The following TSHZ2 variants were observed in gnomAD, a reference collection of about 807,000 sequenced individuals.
The protein encoded by TSHZ2 is teashirt homolog 2.
TSHZ2 carries 21 observed loss-of-function variants against 74.4 expected under a neutral mutation model. The observed-to-expected ratio is 0.28, with a 90% CI of 0.20 to 0.41. The LOEUF (loss-of-function observed/expected upper bound fraction) is 0.41. Among genes scored for constraint, TSHZ2 ranks in the 10% least tolerant of loss-of-function variants. The probability of loss-of-function intolerance (pLI) is 1.00; values close to 1 mark genes in which losing one functional copy is unlikely to be tolerated. For missense variants in TSHZ2, 1,244 were observed against 1,293.5 expected (o/e 0.96, Z 0.59); for synonymous variants, 540 against 515.3 (o/e 1.05, Z -0.65).
At chr20:53,374,635 C>T (rs184112029) in intron 2 of TSHZ2, among the ~76,000 whole-genome samples, 1 of 152,310 alleles carries the variant, frequency 6.6e-6, no homozygotes, top group African/African-American at 2.4e-5. Context: ...TCTCTGCAAG[C>T]TCACCAGAAT....
At position 53,074,864 on chromosome 20, in the gene TSHZ2, G is replaced by T. The variant is rs529553950; in HGVS notation, c.40+101531G>T. 1.6e-4 allele frequency among the ~76,000 whole-genome samples: 24 copies of T among 152,286 alleles called. No homozygotes were observed. The highest frequency in any genetic ancestry group is 5.5e-4 in the African/African-American group (23 of 41,556). ...GCAATTGAGGCTTAGAGAAGCAAAT[G>T]ACTTACTTGAAGTCATCCAGCTCAT... On this transcript the variant is annotated intron_variant, in intron 1 of 2. Transcript: ENST00000371497. The surrounding 1 kb of genome is among the most constrained non-coding windows in gnomAD (Gnocchi z 5.9).
chr20:53,157,410 T>G (rs924431695), intron 1 of TSHZ2, among the ~76,000 whole-genome samples: 1 of 151,116 alleles, frequency 6.6e-6, no homozygotes, highest in Non-Finnish European at 1.5e-5. Context: ...GAGTTGGTTT[T>G]TTTTTTTTTT....
chr20:53,257,029 T>A (rs1324657088), intron 2 of TSHZ2, among the ~76,000 whole-genome samples: 1 of 152,244 alleles, frequency 6.6e-6, no homozygotes, highest in Admixed American at 6.5e-5. Context: ...CTAGAAGTAG[T>A]TACTATATAG....
At chr20:53,104,007 A>T (rs943894294) in intron 1 of TSHZ2, among the ~76,000 whole-genome samples, 3 of 152,176 alleles carry the variant, frequency 2.0e-5, no homozygotes, top group Non-Finnish European at 4.4e-5. Context: ...AGAGATCATG[A>T]CTTAGACCCG....
intron 1 of TSHZ2, among the ~76,000 whole-genome samples, chr20:53,171,540 T>A (rs1467327490): frequency 7.7e-6 from 1 of 129,664 alleles, no homozygotes; most frequent in Non-Finnish European, 1.6e-5. Flanking sequence ...TGCATTACCT[T>A]CTAAATGTTT....
At chr20:53,182,830 T>C (rs990879896) in intron 1 of TSHZ2, among the ~76,000 whole-genome samples, 9 of 152,228 alleles carry the variant, frequency 5.9e-5, no homozygotes. Flanking sequence ...ATACAGCCTA[T>C]GTGTGTTCAA....
chr20:53,060,459 T>C (rs1984783600), intron 1 of TSHZ2, among the ~76,000 whole-genome samples: 1 of 152,284 alleles, frequency 6.6e-6, no homozygotes, highest in Non-Finnish European at 1.5e-5. Flanking sequence ...AAAAGTTGAG[T>C]CTTCCCAATT....
At chr20:53,279,815 G>A (rs1258062525) in intron 2 of TSHZ2, among the ~76,000 whole-genome samples, 1 of 152,164 alleles carries the variant, frequency 6.6e-6, no homozygotes, top group Non-Finnish European at 1.5e-5. Flanking sequence ...ATTTACTTTG[G>A]GTGCTCCAGG....
At chr20:53,041,086 C>G (rs1349740224) in intron 1 of TSHZ2, among the ~76,000 whole-genome samples, 3 of 152,174 alleles carry the variant, frequency 2.0e-5, no homozygotes, top group Non-Finnish European at 4.4e-5. Context: ...CACTAATTAC[C>G]AGACAGTGGA....
At chr20:53,023,017 A>AC (rs111698197) in intron 1 of TSHZ2, among the ~76,000 whole-genome samples, 46 of 151,362 alleles carry the variant, frequency 3.0e-4, no homozygotes, top group Non-Finnish European at 2.9e-4. Flanking sequence ...TCCTCAGACT[A>AC]CCCCCCCACC....
intron 1 of TSHZ2, among the ~76,000 whole-genome samples, chr20:52,995,446 T>G (rs1982148028): frequency 6.6e-6 from 1 of 152,202 alleles, no homozygotes; most frequent in South Asian, 2.1e-4. Flanking sequence ...GCATCCAGAA[T>G]GATTTGCCAA....
chr20:53,326,785 C>T (rs970521554), intron 2 of TSHZ2, among the ~76,000 whole-genome samples: 3 of 152,100 alleles, frequency 2.0e-5, no homozygotes, highest in Non-Finnish European at 4.4e-5. Flanking sequence ...TAGGAGAAAC[C>T]CAGGAGCCTA....
intron 2 of TSHZ2, among the ~76,000 whole-genome samples, chr20:53,268,016 T>C (rs1882734885): frequency 6.6e-6 from 1 of 152,106 alleles, no homozygotes; most frequent in African/African-American, 2.4e-5. Flanking sequence ...CTGCTTCTGG[T>C]GAAGCAAAGC....
chr20:53,398,308 A>G (rs1982531476), intron 2 of TSHZ2: 1 of 152,202 alleles, frequency 6.6e-6, no homozygotes, highest in African/African-American at 2.4e-5. Context: ...GACATGAGAA[A>G]TGTGCACTGG....
At chr20:53,220,583 G>A (rs1288419278) in intron 1 of TSHZ2, among the ~76,000 whole-genome samples, 1 of 152,136 alleles carries the variant, frequency 6.6e-6, no homozygotes, top group Non-Finnish European at 1.5e-5. Context: ...TCTATGGCTG[G>A]TATCACGCTA....
intron 1 of TSHZ2, among the ~76,000 whole-genome samples, chr20:53,177,599 G>A (rs535930339): frequency 1.3e-5 from 2 of 152,028 alleles, no homozygotes; most frequent in African/African-American, 2.4e-5. Context: ...CTTTACCTTC[G>A]GGGCCCCTCG....
chr20:53,420,959 C>T (rs976909406), intron 2 of TSHZ2, among the ~76,000 whole-genome samples: 1 of 152,218 alleles, frequency 6.6e-6, no homozygotes, highest in Admixed American at 6.5e-5. Flanking sequence ...CTTCACATAA[C>T]ACCTGATGGT....
chr20:53,254,504 A>T lies in TSHZ2; in HGVS notation c.1046A>T (p.Asn349Ile). 2 of 1,614,118 alleles carry T rather than the reference A, an allele frequency of 1.2e-6. No individual in the cohort carries two copies. Among genetic ancestry groups the T allele is most frequent in the South Asian group, 2.2e-5 (2 of 91,080 alleles). The part of the protein sequence containing the change: ...SFADSFSSQK[N>I]ANLQLSSNNR... ...GCAGATTCTTTTTCTTCTCAGAAGA[A>T]CGCCAACTTGCAGTTGTCCTCCAAC... The change falls in exon 2 of 3, where the codon AAC becomes ATC. Residue 349 changes from asparagine (N) to isoleucine (I), a missense_variant. Asn to Ile is a moderately radical substitution (Grantham distance 149). Transcript: ENST00000371497.
At chr20:53,274,944 C>T (rs1460064251) in intron 2 of TSHZ2, among the ~76,000 whole-genome samples, 2 of 152,154 alleles carry the variant, frequency 1.3e-5, no homozygotes, top group African/African-American at 4.8e-5. Flanking sequence ...CAAGAATTCC[C>T]ATAAGCTCTT....
Sources: allele counts gnomAD v4.1 joint callset (sites outside exome capture counted in the v4.1 genomes callset), GRCh38; gene constraint gnomAD v4.1.1; non-coding constraint Gnocchi (gnomAD v3.1); transcripts MANE v1.5; gene names NCBI Gene and HGNC (gene_info 2026-07-23, HGNC 2026-07-21).